Variants in HCN1 observed in about 807,000 individuals in gnomAD.
HCN1 encodes hyperpolarization activated cyclic nucleotide gated potassium channel 1.
A neutral mutation model predicts 78.9 loss-of-function variants in HCN1; 13 were observed. That is an observed-to-expected ratio of 0.16 (90% confidence interval 0.11 to 0.26). HCN1 has a LOEUF of 0.26. Among genes scored for constraint, HCN1 ranks in the 10% least tolerant of loss-of-function variants. The probability of loss-of-function intolerance (pLI) is 1.00; values close to 1 mark genes in which losing one functional copy is unlikely to be tolerated. For synonymous variants in HCN1, 552 were observed against 455.5 expected (o/e 1.21, Z -2.70); for missense variants, 810 against 1,154.3 (o/e 0.70, Z 4.32).
chr5:45,693,073 C>T (rs1739944550), intron 1 of HCN1, among the ~76,000 whole-genome samples: 1 of 152,008 alleles, frequency 6.6e-6, no homozygotes, highest in Non-Finnish European at 1.5e-5. Flanking sequence ...AGGAAAGGGC[C>T]TAAAGTAAAG....
intron 2 of HCN1, among the ~76,000 whole-genome samples, chr5:45,623,794 T>G (rs986338041): frequency 6.6e-6 from 1 of 152,120 alleles, no homozygotes; most frequent in African/African-American, 2.4e-5. Flanking sequence ...GTATACTACA[T>G]GAAGTGATAA....
At chr5:45,410,835 T>C (rs920576219) in intron 3 of HCN1, among the ~76,000 whole-genome samples, 28 of 152,098 alleles carry the variant, frequency 1.8e-4, no homozygotes, top group Non-Finnish European at 3.2e-4. Flanking sequence ...GTATTCAGTG[T>C]GTTCTTAGTA....
intron 6 of HCN1, among the ~76,000 whole-genome samples, chr5:45,297,556 T>C (rs1745524557): frequency 6.6e-6 from 1 of 152,084 alleles, no homozygotes; most frequent in Non-Finnish European, 1.5e-5. Context: ...ATGATATCAA[T>C]TCTCCACCAT....
intron 5 of HCN1, among the ~76,000 whole-genome samples, chr5:45,304,134 G>GTGTA (rs2111905691): frequency 6.6e-6 from 1 of 152,046 alleles, no homozygotes; most frequent in African/African-American, 2.4e-5. Flanking sequence ...CTTTACTACT[G>GTGTA]TGTATATGAA....
intron 2 of HCN1, among the ~76,000 whole-genome samples, chr5:45,557,144 C>T (rs988634839): frequency 2.0e-5 from 3 of 152,100 alleles, no homozygotes; most frequent in Non-Finnish European, 2.9e-5. Context: ...ATCAAATCTT[C>T]CCAATTCCTC....
Position 45,609,799 on chromosome 5 carries a change from C to A in HCN1, c.849+35386G>T, listed in dbSNP as rs1165112039. Among the ~76,000 whole-genome samples the A allele has an allele frequency of 1.3e-5, 2 of 152,174 alleles. 1 individual carries two copies. On this transcript the variant is annotated intron_variant, in intron 2 of 7. Transcript: ENST00000303230. ...GAAGTTATCACAGTGTTATAACATGCAGGAGAAGCAAAGAGGAAGAACCAA... is the reference window on the plus strand; with the variant it reads ...GAAGTTATCACAGTGTTATAACATGAAGGAGAAGCAAAGAGGAAGAACCAA...
chr5:45,283,656 G>T (rs993187228), intron 6 of HCN1, among the ~76,000 whole-genome samples: 3 of 152,116 alleles, frequency 2.0e-5, no homozygotes, highest in East Asian at 1.9e-4. Context: ...TGCAGGTGAG[G>T]TTGCAGAGAA....
intron 3 of HCN1, among the ~76,000 whole-genome samples, chr5:45,460,784 C>T (rs1463215046): frequency 6.9e-6 from 1 of 144,680 alleles, no homozygotes; most frequent in Non-Finnish European, 1.5e-5. Flanking sequence ...TCTTAACTGT[C>T]AATGTAAATC....
chr5:45,593,311 CTCTCTCTCTCCCT>C (rs1744416979), intron 2 of HCN1, among the ~76,000 whole-genome samples: 17 of 63,380 alleles, frequency 2.7e-4, no homozygotes, highest in South Asian at 1.1e-3. Context: ...CTCTCTCTCT[CTCTCTCTCTCCCT>C]CTCTCTCTCT....
intron 3 of HCN1, among the ~76,000 whole-genome samples, chr5:45,408,153 A>C (rs1739961193): frequency 6.6e-6 from 1 of 152,178 alleles, no homozygotes; most frequent in South Asian, 2.1e-4. Flanking sequence ...GTTAGAATAA[A>C]CTAAGGTTAA....
intron 1 of HCN1, among the ~76,000 whole-genome samples, chr5:45,690,202 C>A (rs1217514282): frequency 1.3e-5 from 2 of 151,956 alleles, no homozygotes; most frequent in Non-Finnish European, 2.9e-5. Flanking sequence ...AGAGTTACAG[C>A]TAGTGACCTG....
chr5:45,391,967 G>A (rs1579864182), intron 4 of HCN1, among the ~76,000 whole-genome samples: 1 of 152,080 alleles, frequency 6.6e-6, no homozygotes, highest in Non-Finnish European at 1.5e-5. Flanking sequence ...TAAGGGGGTG[G>A]AGTGAAGGTA....
chr5:45,639,083 A>G (rs767953413), intron 2 of HCN1, among the ~76,000 whole-genome samples: 4 of 152,228 alleles, frequency 2.6e-5, no homozygotes, highest in Non-Finnish European at 5.9e-5. Flanking sequence ...TATAGTTAGA[A>G]ATCATTTTAC....
chr5:45,358,654 T>C (rs928570703), intron 4 of HCN1, among the ~76,000 whole-genome samples: 17 of 152,044 alleles, frequency 1.1e-4, no homozygotes, highest in Admixed American at 3.3e-4. Context: ...AAACTAAAAA[T>C]ATTTCACCCC....
intron 2 of HCN1, among the ~76,000 whole-genome samples, chr5:45,525,136 C>A (rs954430280): frequency 6.6e-6 from 1 of 152,080 alleles, no homozygotes; most frequent in East Asian, 1.9e-4. Context: ...GTCTTTGGTT[C>A]TGTTTATATG....
chr5:45,475,586 C>G (rs1357748121), intron 2 of HCN1, among the ~76,000 whole-genome samples: 1 of 152,050 alleles, frequency 6.6e-6, no homozygotes, highest in Non-Finnish European at 1.5e-5. Context: ...GTATTTCTGA[C>G]AAGTTCTAAA....
intron 5 of HCN1, among the ~76,000 whole-genome samples, chr5:45,309,555 A>G (rs1181573081): frequency 2.0e-5 from 3 of 152,104 alleles, no homozygotes; most frequent in Non-Finnish European, 2.9e-5. Flanking sequence ...TACCTAATTT[A>G]TTAACAGTTT....
In HCN1 at chr5:45,291,100, C is replaced by A. The variant is rs528861115; in HGVS notation, c.1618+12499G>T. Among the ~76,000 whole-genome samples the A allele has an allele frequency of 4.6e-5, 7 of 152,114 alleles. 1 individual carries two copies. The highest frequency in any genetic ancestry group is 1.7e-4 in the African/African-American group (7 of 41,524). ...TTAATTTTTATTCAGCCACCGAGGT[C>A]ATATCTTAGACTTTGTTATCACCAA... On this transcript the variant is annotated intron_variant, in intron 6 of 7. Coordinates refer to ENST00000303230, the MANE Select transcript of HCN1 (RefSeq NM_021072.4).
At chr5:45,332,391 A>G (rs1746363255) in intron 5 of HCN1, among the ~76,000 whole-genome samples, 1 of 151,418 alleles carries the variant, frequency 6.6e-6, no homozygotes, top group Non-Finnish European at 1.5e-5. Flanking sequence ...ATTGTTCACT[A>G]TAGTCACCTT....
Sources: allele counts gnomAD v4.1 joint callset (sites outside exome capture counted in the v4.1 genomes callset), GRCh38; gene constraint gnomAD v4.1.1; transcripts MANE v1.5; gene names NCBI Gene and HGNC (gene_info 2026-07-23, HGNC 2026-07-21).